RIF1: variants seen among roughly 807,000 people sequenced by gnomAD.
The protein encoded by RIF1 is telomere-associated protein RIF1.
A neutral mutation model predicts 247.1 loss-of-function variants in RIF1; 45 were observed. That is an observed-to-expected ratio of 0.18 (90% CI 0.14 to 0.23). The LOEUF is 0.23. Ranked by LOEUF, RIF1 falls within the 10% of genes least tolerant of loss-of-function variation. The pLI, the probability that RIF1 is intolerant of heterozygous loss-of-function variation, is 1.00. For synonymous variants in RIF1, 1,087 were observed against 978.8 expected (o/e 1.11, Z -2.06); for missense variants, 2,967 against 2,862.5 (o/e 1.04, Z -0.83).
chr2:151,417,993 A>T (rs536620427), intron 6 of RIF1, among the ~76,000 whole-genome samples: 30 of 152,266 alleles, frequency 2.0e-4, no homozygotes, highest in African/African-American at 5.8e-4. Context: ...AAAATATGAT[A>T]AAAAAGATTA....
chr2:151,413,715 G>C (rs1212116123), intron 3 of RIF1, among the ~76,000 whole-genome samples: 2 of 152,138 alleles, frequency 1.3e-5, no homozygotes, highest in Non-Finnish European at 2.9e-5. Flanking sequence ...CTTACATTCT[G>C]TACTCTAGGA....
At position 151,443,513 on chromosome 2, in the gene RIF1, A is replaced by T. The variant is rs1424209326; in HGVS notation, c.1806-16A>T. 6.5e-7 allele frequency: 1 copy of T among 1,540,734 alleles called. No homozygotes were observed. Among genetic ancestry groups the T allele is most frequent in the East Asian group, 2.3e-5 (1 of 43,324 alleles). On this transcript the variant is annotated splice_polypyrimidine_tract_variant and intron_variant, in intron 17 of 35. Coordinates refer to ENST00000444746, the MANE Select transcript of RIF1 (RefSeq NM_018151.5). Reference sequence around the variant, plus strand: ...CTGCCAAAAAGTTGATGCATTTTTTATAATTTTTTGTTCAGGTTCTTTCTC... The same window carrying T: ...CTGCCAAAAAGTTGATGCATTTTTTTTAATTTTTTGTTCAGGTTCTTTCTC...
At position 151,475,209 on chromosome 2, in the gene RIF1, T is replaced by C; in HGVS notation, c.*138T>C. 1 of 642,248 alleles carries C rather than the reference T, an allele frequency of 1.6e-6. No individual in the cohort carries two copies. Among genetic ancestry groups the C allele is most frequent in the Non-Finnish European group, 2.7e-6 (1 of 371,232 alleles). 39.8% of individuals were successfully genotyped at this position (642,248 alleles called of 1,614,324 possible). ...TAACATTTCAAACCCTGAAGGACAGTGACTTATTATGTAAGTTCAATTTTG... is the reference window on the plus strand; with the variant it reads ...TAACATTTCAAACCCTGAAGGACAGCGACTTATTATGTAAGTTCAATTTTG... On this transcript the variant is annotated 3_prime_UTR_variant, in exon 36 of 36. Coordinates refer to ENST00000444746, the MANE Select transcript of RIF1 (RefSeq NM_018151.5).
intron 1 of RIF1, 58 bp from the exon 2 acceptor site, chr2:151,410,356 G>A: frequency 2.8e-6 from 4 of 1,426,024 alleles, no homozygotes; most frequent in Non-Finnish European, 3.9e-6. Context: ...ACACTGGGCC[G>A]CCGCGGGGCT....
In RIF1 at chr2:151,455,032, T is replaced by C; in HGVS notation, c.2482T>C (p.Phe828Leu). 6.2e-7 allele frequency: 1 copy of C among 1,613,966 alleles called. No homozygotes were observed. Among genetic ancestry groups the C allele is most frequent in the Non-Finnish European group, 8.5e-7 (1 of 1,179,872 alleles). Reference sequence around the variant, plus strand: ...CAAGGAAGCACATTCTGATACCCTCTTCACTATTGGCAACTCAATCACCGG... The same window carrying C: ...CAAGGAAGCACATTCTGATACCCTCCTCACTATTGGCAACTCAATCACCGG... ...SFKEAHSDTL[F>L]TIGNSITGII... The change falls in exon 22 of 36, where the codon TTC becomes CTC. Residue 828 changes from phenylalanine to leucine, a missense_variant. Around this residue, in one of 7 missense-constraint regions of RIF1, gnomAD observed 2,028 missense variants for 1,825.6 expected, o/e 1.11. Coordinates refer to ENST00000444746, the MANE Select transcript of RIF1 (RefSeq NM_018151.5).
chr2:151,440,378 A>T (rs75842981), intron 15 of RIF1, among the ~76,000 whole-genome samples: 1 of 152,228 alleles, frequency 6.6e-6, no homozygotes, highest in Non-Finnish European at 1.5e-5. Flanking sequence ...ATACAGAGAA[A>T]AACTAGGGTA....
At position 151,465,084 on chromosome 2, in the gene RIF1, C is replaced by G; in HGVS notation, c.5564C>G (p.Pro1855Arg). 1 of 1,602,460 alleles carries G rather than the reference C, an allele frequency of 6.2e-7. No individual in the cohort carries two copies. Among genetic ancestry groups the G allele is most frequent in the Non-Finnish European group, 8.5e-7 (1 of 1,177,290 alleles). ...ATGTCTCTTGAAAGCCAGGAGTCACCTAATGAAAATTTTAAAACTGTTGGC... is the reference window on the plus strand; with the variant it reads ...ATGTCTCTTGAAAGCCAGGAGTCACGTAATGAAAATTTTAAAACTGTTGGC... The part of the protein sequence containing the change: ...EAMSLESQES[P>R]NENFKTVGPC... Residue 1855 changes from proline (P) to arginine (R), a missense_variant, in exon 30 of 36, where the codon CCT becomes CGT. Physicochemically the swap from Pro to Arg is moderately radical, Grantham distance 103. Around this residue, in one of 7 missense-constraint regions of RIF1, gnomAD observed 2,028 missense variants for 1,825.6 expected, o/e 1.11. Coordinates refer to ENST00000444746, the MANE Select transcript of RIF1 (RefSeq NM_018151.5).
chr2:151,519,788 T>C, the RIF1 span: 1 of 1,467,292 alleles, frequency 6.8e-7, no homozygotes, highest in Non-Finnish European at 9.5e-7. Context: ...AATGCAAACA[T>C]CCAAATTATT....
rs2058482479 is a variant in RIF1 at position 151,494,003 on chromosome 2, A to G, written c.*416-1226A>G. On this transcript the variant is annotated intron_variant and NMD_transcript_variant, in intron 9 of 13. Coordinates refer to the RIF1 transcript ENST00000454583. ...CACCTCTCAAGAAGAAAGCTTAAAA[A>G]TAGTTAATGGCTACAGTAAATGTAG... 3.4e-6 allele frequency: 3 copies of G among 874,050 alleles called. No homozygotes were observed. The African/African-American group carries it at 5.1e-5, about 15-fold the overall frequency. 54.1% of individuals were successfully genotyped at this position (874,050 alleles called of 1,614,324 possible). A position where few individuals can be genotyped will look rare whatever the true frequency, so the allele number is the denominator to read the frequency against.
At chr2:151,437,801 C>T (rs1343446643) in intron 13 of RIF1, among the ~76,000 whole-genome samples, 3 of 152,190 alleles carry the variant, frequency 2.0e-5, no homozygotes, top group African/African-American at 4.8e-5. Flanking sequence ...CAGTAACATA[C>T]CATGTTAGTT....
chr2:151,527,875 G>T, the RIF1 span, among the ~76,000 whole-genome samples: 1 of 152,156 alleles, frequency 6.6e-6, no homozygotes, highest in African/African-American at 2.4e-5. Flanking sequence ...ATCATCTTCA[G>T]AATCGAGTAC....
chr2:151,519,784 A>G, the RIF1 span: 17 of 1,510,312 alleles, frequency 1.1e-5, no homozygotes, highest in South Asian at 2.3e-5. Flanking sequence ...AGCAAATGCA[A>G]ACATCCAAAT....
chr2:151,418,886 G>A (rs530095099), intron 6 of RIF1, among the ~76,000 whole-genome samples: 2 of 147,392 alleles, frequency 1.4e-5, no homozygotes, highest in African/African-American at 2.5e-5. Flanking sequence ...AAAAAAAAAA[G>A]AATACTTAGC....
chr2:151,471,621 T>C (rs1258949957), intron 34 of RIF1, among the ~76,000 whole-genome samples: 1 of 152,232 alleles, frequency 6.6e-6, no homozygotes, highest in Non-Finnish European at 1.5e-5. Context: ...ATTTATTAAA[T>C]AGGGAATCCT....
rs2152554335 is a variant in RIF1 at position 151,475,492 on chromosome 2, T to G, written c.*421T>G. ...TTTATATTTTTGTTTGTTGGTTTGT[T>G]TAATTCATGTTTGTTGGGACTGAGG... is the stretch of plus-strand genomic sequence containing the variant. On this transcript the variant is annotated 3_prime_UTR_variant, in exon 36 of 36. Transcript: ENST00000444746. The G allele has an allele frequency of 5.7e-6, 1 of 174,552 alleles. No homozygotes were observed. The highest frequency in any genetic ancestry group is 1.2e-4 in the South Asian group (1 of 8,294). 10.8% of individuals were successfully genotyped at this position (174,552 alleles called of 1,614,324 possible).
chr2:151,497,529 T>TTGTC (rs2061045289), intron 10 of RIF1: 3 of 1,502,332 alleles, frequency 2.0e-6, no homozygotes, highest in Non-Finnish European at 2.7e-6. Flanking sequence ...AAAATTTAAG[T>TTGTC]TGTCTTTAAA....
chr2:151,451,108 G>T (rs1694236847), intron 20 of RIF1, among the ~76,000 whole-genome samples: 1 of 152,144 alleles, frequency 6.6e-6, no homozygotes, highest in African/African-American at 2.4e-5. Flanking sequence ...AAAAAGATTT[G>T]TAATCATGTA....
At chr2:151,502,822 C>T (rs1042522253) in intron 11 of RIF1, 1 of 1,607,034 alleles carries the variant, frequency 6.2e-7, no homozygotes, top group Non-Finnish European at 8.5e-7. Context: ...TTGCGTTTGA[C>T]TCTCTCCATC....
intron 9 of RIF1, among the ~76,000 whole-genome samples, chr2:151,488,641 G>T (rs1274834533): frequency 6.9e-6 from 1 of 144,796 alleles, no homozygotes; most frequent in Non-Finnish European, 1.5e-5. Context: ...GTGAGACCCT[G>T]TCTCTAAAAA....
Sources: gnomAD v4.1 joint callset for allele counts (sites outside exome capture counted in the v4.1 genomes callset) on GRCh38, gnomAD v4.1.1 for gene constraint, gnomAD v4.1.1 regional missense constraint, MANE v1.5 for transcripts, NCBI Gene and HGNC (gene_info 2026-07-23, HGNC 2026-07-21) for gene names.